Variants in UVRAG observed in about 807,000 individuals in gnomAD.
UVRAG encodes UV radiation resistance-associated gene protein.
UVRAG carries 19 observed loss-of-function variants against 78.0 expected under a neutral mutation model. That is an observed-to-expected ratio of 0.24 (90% CI 0.17 to 0.36). The LOEUF (loss-of-function observed/expected upper bound fraction) is 0.36. UVRAG is among the 10% of genes least tolerant of loss of function. UVRAG has a pLI of 1.00. For synonymous variants in UVRAG, 323 were observed against 324.6 expected (o/e 1.00, Z 0.05); for missense variants, 740 against 853.8 (o/e 0.87, Z 1.66).
chr11:75,931,017 G>A (rs944667228), intron 6 of UVRAG: 3 of 123,168 alleles, frequency 2.4e-5, no homozygotes, highest in African/African-American at 6.0e-5. Flanking sequence ...CCTTTCCTGG[G>A]TATTCATCAA....
chr11:76,076,802 GTATTTATTTATTTATT>G (rs140240744), intron 13 of UVRAG, among the ~76,000 whole-genome samples: 1 of 147,556 alleles, frequency 6.8e-6, no homozygotes, highest in Non-Finnish European at 1.5e-5. Flanking sequence ...AAATTAGGTT[GTATTTATTTATTTATT>G]TATTTATTTA....
chr11:76,038,332 A>C (rs765592488), intron 12 of UVRAG, among the ~76,000 whole-genome samples: 1 of 152,148 alleles, frequency 6.6e-6, no homozygotes, highest in Non-Finnish European at 1.5e-5. Context: ...CTTCCTTTCA[A>C]ATTTCCTGGG....
intron 12 of UVRAG, among the ~76,000 whole-genome samples, chr11:76,034,821 C>G (rs1270911767): frequency 6.6e-6 from 1 of 152,104 alleles, no homozygotes; most frequent in Non-Finnish European, 1.5e-5. Context: ...TCATTAGTTA[C>G]TCCCATTAAT....
chr11:76,120,154 A>G (rs1166952946), intron 14 of UVRAG, among the ~76,000 whole-genome samples: 2 of 152,250 alleles, frequency 1.3e-5, no homozygotes, highest in African/African-American at 2.4e-5. Context: ...TTTATTGGCA[A>G]TGAATAGGCA....
intron 2 of UVRAG, among the ~76,000 whole-genome samples, chr11:75,852,220 T>G (rs938011728): frequency 6.6e-6 from 1 of 152,230 alleles, no homozygotes; most frequent in Non-Finnish European, 1.5e-5. Context: ...ACGTTTATCA[T>G]TCCTTTATGA....
At position 75,957,822 on chromosome 11, in the gene UVRAG, A is replaced by G. The variant is rs553554907; in HGVS notation, c.594-3622A>G. Among the ~76,000 whole-genome samples, 9 of 152,268 alleles carry G rather than the reference A, an allele frequency of 5.9e-5. No individual in the cohort carries two copies. In the South Asian group the frequency reaches 1.0e-3, roughly 18 times the overall value. On this transcript the variant is annotated intron_variant, in intron 6 of 14. Coordinates refer to ENST00000356136, the MANE Select transcript of UVRAG (RefSeq NM_003369.4). ...TATTATTTAAAAATTTCATAACTCA[A>G]TTGTTTGGGGCTAATACAGGAATAC...
chr11:76,051,825 AAAG>A (rs1950874776), intron 12 of UVRAG, among the ~76,000 whole-genome samples: 2 of 152,256 alleles, frequency 1.3e-5, no homozygotes, highest in Admixed American at 1.3e-4. Flanking sequence ...TTCTTCCCCC[AAAG>A]AAGGAGGAAA....
rs533331218 is a variant in UVRAG at position 76,084,970 on chromosome 11, G to A, written c.1305+19182G>A. 2.1e-4 allele frequency among the ~76,000 whole-genome samples: 32 copies of A among 150,030 alleles called. No individual in the cohort carries two copies. The South Asian group carries it at 5.9e-3, about 28-fold the overall frequency. ...TCCCAGCTACTCAAGAGGCTGAGGC[G>A]TGAGAATTGCTTGAACCTGGGAGGC... On this transcript the variant is annotated intron_variant, in intron 13 of 14. Transcript: ENST00000356136.
At chr11:75,933,990 C>T (rs1308924551) in intron 6 of UVRAG, among the ~76,000 whole-genome samples, 1 of 152,160 alleles carries the variant, frequency 6.6e-6, no homozygotes, top group Non-Finnish European at 1.5e-5. Flanking sequence ...ATGTAGCAAT[C>T]CCACTGCTGG....
intron 3 of UVRAG, among the ~76,000 whole-genome samples, chr11:75,876,196 A>G (rs571969882): frequency 6.6e-6 from 1 of 152,200 alleles, no homozygotes; most frequent in East Asian, 1.9e-4. Flanking sequence ...TTTACCTGAC[A>G]TTTTAGTTGT....
intron 12 of UVRAG, among the ~76,000 whole-genome samples, chr11:76,042,129 G>A (rs1950657630): frequency 6.6e-6 from 1 of 152,178 alleles, no homozygotes; most frequent in Non-Finnish European, 1.5e-5. Context: ...ACTTGTACTG[G>A]TGAAAAAATT....
chr11:75,867,991 G>A (rs1292849669), intron 3 of UVRAG, among the ~76,000 whole-genome samples: 1 of 152,146 alleles, frequency 6.6e-6, no homozygotes, highest in Non-Finnish European at 1.5e-5. Context: ...AAGATTGTAG[G>A]ACTTTATTGA....
intron 5 of UVRAG, chr11:75,911,217 G>T: frequency 6.2e-6 from 1 of 160,040 alleles, no homozygotes; most frequent in East Asian, 1.7e-4. Context: ...CTGGCTTCCT[G>T]GGAATCCAGT....
At chr11:76,126,285 A>C (rs1952392237) in intron 14 of UVRAG, among the ~76,000 whole-genome samples, 2 of 152,214 alleles carry the variant, frequency 1.3e-5, no homozygotes, top group Admixed American at 1.3e-4. Context: ...AGGTAAGCTA[A>C]TTTTAATAAT....
At chr11:76,035,042 A>C (rs548159310) in intron 12 of UVRAG, among the ~76,000 whole-genome samples, 3 of 152,330 alleles carry the variant, frequency 2.0e-5, no homozygotes, top group Non-Finnish European at 4.4e-5. Flanking sequence ...TGACACCTAT[A>C]CTTAAACTCT....
intron 13 of UVRAG, among the ~76,000 whole-genome samples, chr11:76,088,143 A>G (rs370948874): frequency 2.0e-4 from 31 of 152,264 alleles, no homozygotes; most frequent in African/African-American, 7.2e-4. Context: ...CTCAAGCGAT[A>G]GTGATGGGAT....
chr11:75,860,896 C>G (rs1946406648), intron 2 of UVRAG, among the ~76,000 whole-genome samples: 1 of 151,938 alleles, frequency 6.6e-6, no homozygotes, highest in Non-Finnish European at 1.5e-5. Context: ...AGCAATTCTC[C>G]TGCTTCAGCC....
chr11:76,081,988 A>G (rs2134411416), intron 13 of UVRAG, among the ~76,000 whole-genome samples: 1 of 152,174 alleles, frequency 6.6e-6, no homozygotes, highest in Non-Finnish European at 1.5e-5. Flanking sequence ...GTATAGTTCA[A>G]AACCAAGCAA....
Position 76,093,796 on chromosome 11 carries a change from A to G in UVRAG, c.1306-22128A>G, listed in dbSNP as rs563237456. Among the ~76,000 whole-genome samples, 345 of 152,344 alleles carry G rather than the reference A, an allele frequency of 2.3e-3. 3 individuals carry two copies. Among genetic ancestry groups the G allele is most frequent in the African/African-American group, 7.7e-3 (319 of 41,572 alleles). ...GGTTTTCTAGATATACAATCATGTC[A>G]TCTGCAAACAGGGACAATTTGACTT... On this transcript the variant is annotated intron_variant, in intron 13 of 14. Coordinates refer to ENST00000356136, the MANE Select transcript of UVRAG (RefSeq NM_003369.4).
Sources: allele counts gnomAD v4.1 joint callset (sites outside exome capture counted in the v4.1 genomes callset), GRCh38; gene constraint gnomAD v4.1.1; transcripts MANE v1.5; gene names NCBI Gene and HGNC (gene_info 2026-07-23, HGNC 2026-07-21).